MTAP: variants seen among roughly 807,000 people sequenced by gnomAD.
MTAP encodes S-methyl-5'-thioadenosine phosphorylase.
In MTAP, 33 loss-of-function variants were observed where a neutral mutation model predicts 33.6. The observed-to-expected ratio is 0.98, with a 90% confidence interval of 0.74 to 1.31. The LOEUF is 1.31. Among genes scored for constraint, MTAP ranks in the 40% most tolerant of loss-of-function variants. The probability of loss-of-function intolerance (pLI) is 0.00; values close to 1 mark genes in which losing one functional copy is unlikely to be tolerated. For synonymous variants in MTAP, 148 were observed against 125.7 expected, an observed-to-expected ratio of 1.18 and a Z score of -1.19; for missense variants, 367 against 360.0, an observed-to-expected ratio of 1.02 and a Z score of -0.16.
chr9:21,854,573 C>G, intron 5 of MTAP, 58 bp from the exon 6 acceptor site: 1 of 1,467,388 alleles, frequency 6.8e-7, no homozygotes, highest in Non-Finnish European at 9.0e-7. Flanking sequence ...GGGGGAAGTG[C>G]AGCCTTAAGT....
intron 4 of MTAP, among the ~76,000 whole-genome samples, chr9:21,826,632 T>G (rs558377346): frequency 9.0e-4 from 134 of 148,762 alleles, no homozygotes; most frequent in Admixed American, 2.2e-3. Flanking sequence ...TTATTATTAT[T>G]ATTATTATTA....
chr9:21,832,706 C>A (rs1587226637), intron 4 of MTAP, among the ~76,000 whole-genome samples: 1 of 152,228 alleles, frequency 6.6e-6, no homozygotes, highest in East Asian at 1.9e-4. Context: ...TATTAACTTC[C>A]CATCATACAT....
chr9:21,844,924 C>T (rs779828329), intron 5 of MTAP, among the ~76,000 whole-genome samples: 14 of 151,318 alleles, frequency 9.3e-5, no homozygotes, highest in Non-Finnish European at 1.3e-4. Context: ...CCCAGCTACT[C>T]GGGAGGCCGA....
At chr9:21,840,488 C>A (rs1450613164) in intron 5 of MTAP, among the ~76,000 whole-genome samples, 1 of 152,140 alleles carries the variant, frequency 6.6e-6, no homozygotes, top group African/African-American at 2.4e-5. Flanking sequence ...ATCTAAAAAT[C>A]CAGATCATGG....
At chr9:21,899,272 T>C (rs934219373) in intron 1 of MTAP, among the ~76,000 whole-genome samples, 1 of 149,518 alleles carries the variant, frequency 6.7e-6, no homozygotes, top group Admixed American at 6.6e-5. Flanking sequence ...TTAGAAGATA[T>C]ACCTAATGTA....
intron 1 of MTAP, among the ~76,000 whole-genome samples, chr9:21,880,214 T>G (rs1817983761): frequency 1.3e-5 from 2 of 152,124 alleles, no homozygotes; most frequent in African/African-American, 2.4e-5. Flanking sequence ...GAGAGCTAAG[T>G]TAGCACACTT....
intron 4 of MTAP, among the ~76,000 whole-genome samples, chr9:21,820,058 G>A (rs1351317951): frequency 9.9e-5 from 15 of 152,172 alleles, no homozygotes; most frequent in Admixed American, 2.0e-4. Context: ...AGTCAGATGC[G>A]TAGGTTGCAA....
chr9:21,858,447 G>T (rs1236245079), intron 6 of MTAP, among the ~76,000 whole-genome samples: 1 of 152,156 alleles, frequency 6.6e-6, no homozygotes, highest in Non-Finnish European at 1.5e-5. Flanking sequence ...CTCAGCTTCT[G>T]GGGAGGCCTC....
intron 1 of MTAP, among the ~76,000 whole-genome samples, chr9:21,924,314 C>T (rs1818832521): frequency 6.6e-6 from 1 of 152,118 alleles, no homozygotes; most frequent in African/African-American, 2.4e-5. Flanking sequence ...GATGCATCCT[C>T]AAGAACTGAA....
At chr9:21,884,795 A>C (rs933117297) in intron 1 of MTAP, among the ~76,000 whole-genome samples, 1 of 152,188 alleles carries the variant, frequency 6.6e-6, no homozygotes, top group South Asian at 2.1e-4. Context: ...GGGTTTCAAC[A>C]TATGAACTTT....
chr9:21,918,397 G>A (rs1418683520), intron 1 of MTAP, among the ~76,000 whole-genome samples: 2 of 151,104 alleles, frequency 1.3e-5, no homozygotes, highest in Non-Finnish European at 1.5e-5. Flanking sequence ...GACTTTGGGG[G>A]CTCGATGGGG....
At chr9:21,927,442 G>C (rs1327593303) in intron 1 of MTAP, among the ~76,000 whole-genome samples, 1 of 152,154 alleles carries the variant, frequency 6.6e-6, no homozygotes, top group East Asian at 1.9e-4. Context: ...CTTGTTGTCA[G>C]AAAACCCACA....
intron 5 of MTAP, among the ~76,000 whole-genome samples, chr9:21,847,136 G>A (rs756093634): frequency 1.3e-5 from 2 of 152,146 alleles, no homozygotes; most frequent in Non-Finnish European, 2.9e-5. Context: ...CTCCCGTGCT[G>A]GATACTTCCT....
chr9:21,887,829 G>T (rs866694335), intron 1 of MTAP, among the ~76,000 whole-genome samples: 1 of 152,094 alleles, frequency 6.6e-6, no homozygotes, highest in African/African-American at 2.4e-5. Flanking sequence ...AGTTTTCCTT[G>T]TAGAGAGCTT....
At chr9:21,921,889 G>A (rs532883288) in intron 1 of MTAP, among the ~76,000 whole-genome samples, 72 of 152,276 alleles carry the variant, frequency 4.7e-4, no homozygotes, top group Middle Eastern at 3.4e-3. Flanking sequence ...GCTGAGGTGG[G>A]AGTGTTGGAG....
At position 21,922,073 on chromosome 9, in the gene MTAP, C is replaced by T. The variant is rs1034306767; in HGVS notation, c.148-8935C>T. ...CCAATATATGGAAAACACTTGAAGC[C>T]GGTGGCCAACAGCTTCCCAATAAGG... On this transcript the variant is annotated intron_variant, in intron 1 of 1. Transcript: ENST00000577563. The surrounding 1 kb of genome is among the most constrained non-coding windows in gnomAD (Gnocchi z 4.8). Among the ~76,000 whole-genome samples the T allele has an allele frequency of 4.6e-5, 7 of 151,986 alleles. No individual in the cohort carries two copies. Among genetic ancestry groups the T allele is most frequent in the Non-Finnish European group, 8.8e-5 (6 of 68,018 alleles).
chr9:21,809,210 A>G (rs1473567976), intron 1 of MTAP, among the ~76,000 whole-genome samples: 1 of 152,016 alleles, frequency 6.6e-6, no homozygotes, highest in African/African-American at 2.4e-5. Flanking sequence ...ATCTAGGATA[A>G]TCTCCCCATC....
intron 1 of MTAP, among the ~76,000 whole-genome samples, chr9:21,903,336 A>G (rs965263990): frequency 9.2e-5 from 14 of 152,204 alleles, no homozygotes; most frequent in African/African-American, 2.9e-4. Flanking sequence ...AAAAATCTTC[A>G]GGCCCAACTC....
intron 1 of MTAP, chr9:21,893,724 C>A (rs1818236998): frequency 6.6e-6 from 1 of 151,920 alleles, no homozygotes; most frequent in African/African-American, 2.4e-5. Context: ...CTGAACAGAC[C>A]ATTAATGAGT....
Sources: allele counts gnomAD v4.1 joint callset (sites outside exome capture counted in the v4.1 genomes callset), GRCh38; gene constraint gnomAD v4.1.1; non-coding constraint Gnocchi (gnomAD v3.1); transcripts MANE v1.5; gene names NCBI Gene and HGNC (gene_info 2026-07-23, HGNC 2026-07-21).